The following PCDH11Y variants were observed in gnomAD, a reference collection of about 807,000 sequenced individuals.
PCDH11Y encodes protocadherin 11 Y-linked.
For missense variants in PCDH11Y, 12 were observed against 224.8 expected, an observed-to-expected ratio of 0.05 and a Z score of 6.05; for synonymous variants, 9 against 83.6, an observed-to-expected ratio of 0.11 and a Z score of 4.87.
chrY:5,636,313 C>A, intron 4 of PCDH11Y, among the ~76,000 whole-genome samples: 1 of 33,518 alleles, frequency 3.0e-5, no homozygotes, highest in Non-Finnish European at 7.4e-5. Flanking sequence ...GAATAGATAA[C>A]AATAATCTGA....
At chrY:5,423,995 C>G (rs2124679784) in intron 2 of PCDH11Y, among the ~76,000 whole-genome samples, 1 of 33,435 alleles carries the variant, frequency 3.0e-5, no homozygotes, top group East Asian at 8.0e-4. Flanking sequence ...AAAACAAACT[C>G]AGACCTGTAA....
At chrY:5,311,857 C>A in intron 2 of PCDH11Y, among the ~76,000 whole-genome samples, 1 of 29,062 alleles carries the variant, frequency 3.4e-5, no homozygotes, top group Admixed American at 3.3e-4. Flanking sequence ...CCACGCCTGG[C>A]TAATTTTGTA....
chrY:5,243,238 A>G, intron 2 of PCDH11Y, among the ~76,000 whole-genome samples: 1 of 34,268 alleles, frequency 2.9e-5, no homozygotes, highest in African/African-American at 1.1e-4. Flanking sequence ...GATACTAATT[A>G]TTATCTTTCT....
intron 2 of PCDH11Y, among the ~76,000 whole-genome samples, chrY:5,367,539 C>T (rs2124672717): frequency 3.7e-5 from 1 of 27,381 alleles, no homozygotes; most frequent in South Asian, 9.7e-4. Context: ...CACCCGCCAC[C>T]GTGCCCGGCT....
intron 4 of PCDH11Y, among the ~76,000 whole-genome samples, chrY:5,591,723 A>G (rs2053462108): frequency 3.1e-5 from 1 of 32,706 alleles, no homozygotes; most frequent in Non-Finnish European, 7.5e-5. Flanking sequence ...ATTCTGCTAT[A>G]TTGTATCTGT....
intron 2 of PCDH11Y, among the ~76,000 whole-genome samples, chrY:5,138,935 CA>C (rs2052844547): frequency 3.1e-5 from 1 of 31,966 alleles, no homozygotes; most frequent in Non-Finnish European, 7.7e-5. Context: ...AAGGACGTAA[CA>C]AAAAAAGAAA....
intron 2 of PCDH11Y, among the ~76,000 whole-genome samples, chrY:5,494,919 C>T (rs2053342802): frequency 1.3e-4 from 4 of 31,164 alleles, no homozygotes; most frequent in Non-Finnish European, 3.1e-4. Flanking sequence ...TGGTGGCAGG[C>T]GCCTGTAGTC....
chrY:5,255,659 A>T (rs2124657429), intron 2 of PCDH11Y, among the ~76,000 whole-genome samples: 1 of 33,366 alleles, frequency 3.0e-5, no homozygotes, highest in South Asian at 6.6e-4. Flanking sequence ...TTACATTCCC[A>T]CTAACAGGGT....
At chrY:5,600,759 G>A in intron 4 of PCDH11Y, among the ~76,000 whole-genome samples, 1 of 32,095 alleles carries the variant, frequency 3.1e-5, no homozygotes, top group Non-Finnish European at 7.6e-5. Context: ...ATCTGATTCC[G>A]GGAAATATTT....
chrY:5,525,321 CGGA>C (rs1386177766), intron 3 of PCDH11Y, among the ~76,000 whole-genome samples: 4 of 11,864 alleles, frequency 3.4e-4, no homozygotes, highest in Admixed American at 8.6e-4. Flanking sequence ...GCAGCAGCAG[CGGA>C]GGAGGAGGAG....
intron 2 of PCDH11Y, among the ~76,000 whole-genome samples, chrY:5,122,087 C>G: frequency 6.1e-5 from 2 of 32,919 alleles, no homozygotes; most frequent in Admixed American, 5.6e-4. Flanking sequence ...TGGCCCAGAC[C>G]TTTATTCCTG....
intron 3 of PCDH11Y, among the ~76,000 whole-genome samples, chrY:5,047,080 G>A (rs1391635374): frequency 3.0e-5 from 1 of 33,773 alleles, no homozygotes; most frequent in African/African-American, 1.1e-4. Context: ...CTTCTGCGTC[G>A]CTCACGCTGG....
chrY:5,724,732 A>G, intron 4 of PCDH11Y, among the ~76,000 whole-genome samples: 1 of 33,700 alleles, frequency 3.0e-5, no homozygotes, highest in East Asian at 7.8e-4. Context: ...AGCATTAAAC[A>G]TTTCTTAAAA....
chrY:5,108,959 G>T (rs2124638638), downstream of PCDH11Y, among the ~76,000 whole-genome samples: 1 of 31,757 alleles, frequency 3.1e-5, no homozygotes, highest in African/African-American at 1.2e-4. Flanking sequence ...GATGTGATGT[G>T]CAGCCTGAGT....
At chrY:5,541,336 G>GTAGCAGTTGATTGCT in intron 3 of PCDH11Y, among the ~76,000 whole-genome samples, 1 of 34,217 alleles carries the variant, frequency 2.9e-5, no homozygotes, top group South Asian at 6.3e-4. Context: ...GCTGAGTGAT[G>GTAGCAGTTGATTGCT]TAGCAGTTGA....
intron 2 of PCDH11Y, among the ~76,000 whole-genome samples, chrY:5,219,322 TC>T (rs35207475): frequency 2.6e-4 from 8 of 30,867 alleles, no homozygotes; most frequent in African/African-American, 8.8e-4. Flanking sequence ...CGAATTTACA[TC>T]CCCCCCCCAC....
chrY:5,374,427 GTGTGTA>G (rs2053195593), intron 2 of PCDH11Y, among the ~76,000 whole-genome samples: 2 of 27,605 alleles, frequency 7.2e-5, no homozygotes, highest in African/African-American at 1.3e-4. Flanking sequence ...GTGTGTGTGT[GTGTGTA>G]TATATATGTG....
At chrY:5,145,607 G>A in intron 2 of PCDH11Y, among the ~76,000 whole-genome samples, 1 of 32,929 alleles carries the variant, frequency 3.0e-5, no homozygotes, top group Non-Finnish European at 7.5e-5. Flanking sequence ...ATCTGTTATT[G>A]CTAATGTTGG....
chrY:5,310,335 A>C (rs2053098306), intron 2 of PCDH11Y, among the ~76,000 whole-genome samples: 1 of 33,179 alleles, frequency 3.0e-5, no homozygotes, highest in African/African-American at 1.2e-4. Flanking sequence ...GGTTTTATGC[A>C]CTTACATCTA....
Sources: gnomAD v4.1 joint callset for allele counts (sites outside exome capture counted in the v4.1 genomes callset) on GRCh38, gnomAD v4.1.1 for gene constraint, MANE v1.5 for transcripts, NCBI Gene and HGNC (gene_info 2026-07-23, HGNC 2026-07-21) for gene names.